The following SMPDL3B variants were observed in gnomAD, a reference collection of about 807,000 sequenced individuals.
SMPDL3B encodes the protein sphingomyelin phosphodiesterase acid like 3B.
Under a neutral mutation model 37.9 loss-of-function variants are expected in SMPDL3B, and 31 were observed. The observed-to-expected ratio is 0.82, with a 90% CI of 0.61 to 1.10. The LOEUF (loss-of-function observed/expected upper bound fraction) is 1.10, where lower values mean the gene tolerates loss of function less well. SMPDL3B is among the 50% of genes least tolerant of loss of function. The probability of loss-of-function intolerance (pLI) is 0.00; values close to 1 mark genes in which losing one functional copy is unlikely to be tolerated. For missense variants in SMPDL3B, 525 were observed against 597.8 expected, an observed-to-expected ratio of 0.88 and a Z score of 1.27; for synonymous variants, 235 against 242.6, an observed-to-expected ratio of 0.97 and a Z score of 0.29.
At chr1:27,950,909 C>T (rs976323082) in intron 3 of SMPDL3B, among the ~76,000 whole-genome samples, 3 of 152,186 alleles carry the variant, frequency 2.0e-5, no homozygotes, top group South Asian at 2.1e-4. Context: ...GGATTACAGG[C>T]GTGAGCCACT....
chr1:27,949,177 T>G lies in SMPDL3B; in HGVS notation c.373+15T>G, dbSNP rs2090435026. The G allele has an allele frequency of 6.8e-6, 11 of 1,613,758 alleles. No individual in the cohort carries two copies. Among genetic ancestry groups the G allele is most frequent in the Non-Finnish European group, 9.3e-6 (11 of 1,179,668 alleles). ...GGTCTTTCCAGGTAAGACTGTGCCA[T>G]CAGTCCCTCCACAGTGTTCTCGGAA... is the stretch of plus-strand genomic sequence containing the variant. On this transcript the variant is annotated intron_variant, in intron 3 of 7. Transcript: ENST00000373894.
chr1:27,942,506 T>G (rs572581182), intron 1 of SMPDL3B: 5 of 373,126 alleles, frequency 1.3e-5, no homozygotes, highest in South Asian at 8.2e-5. Flanking sequence ...TTTGAGACAG[T>G]CTTGCTGTGT....
chr1:27,935,341 G>T, intron 1 of SMPDL3B, 97 bp downstream of exon 1: 2 of 919,988 alleles, frequency 2.2e-6, no homozygotes, highest in Non-Finnish European at 3.5e-6. Flanking sequence ...TGCTTCTAAA[G>T]ATAGCAAGGC....
In SMPDL3B at chr1:27,949,278, T is replaced by C. The variant is rs956508647; in HGVS notation, c.373+116T>C. On this transcript the variant is annotated intron_variant, in intron 3 of 7. Transcript: ENST00000373894. ...GCTGACCTTCATCCATGGACAGCGA[T>C]GGCTGTTGGCCAGGTCTTCATGGTG... is the stretch of plus-strand genomic sequence containing the variant. The C allele has an allele frequency of 3.2e-5, 35 of 1,078,558 alleles. No homozygotes were observed. In the African/African-American group the frequency reaches 5.3e-4, roughly 16 times the overall value. 66.8% of individuals were successfully genotyped at this position (1,078,558 alleles called of 1,614,324 possible).
Position 27,945,245 on chromosome 1 carries a change from C to T in SMPDL3B, c.75C>T (p.His25=), listed in dbSNP as rs2090396308. 1 of 1,614,044 alleles carries T rather than the reference C, an allele frequency of 6.2e-7. No homozygotes were observed. Among genetic ancestry groups the T allele is most frequent in the African/African-American group, 1.3e-5 (1 of 74,934 alleles). The part of the protein sequence containing the change: ...GARAEPGKFW[H]IADLHLDPDY... ...TTTCCCCTGCAGGGAAGTTCTGGCA[C>T]ATCGCTGACCTGCACCTTGACCCTG... Residue 25 remains histidine, a synonymous_variant, in exon 2 of 8, where the codon CAC becomes CAT. Transcript: ENST00000373894. The surrounding 1 kb of genome is among the most constrained non-coding windows in gnomAD (Gnocchi z 4.0).
chr1:27,947,660 T>G (rs1264584773), intron 2 of SMPDL3B, among the ~76,000 whole-genome samples: 2 of 59,136 alleles, frequency 3.4e-5, no homozygotes, highest in African/African-American at 5.5e-5. Flanking sequence ...TTTGTTTTTT[T>G]TTTTTAAGAT....
At position 27,958,522 on chromosome 1, in the gene SMPDL3B, G is replaced by A; in HGVS notation, c.1052G>A (p.Gly351Glu). 1 of 1,613,538 alleles carries A rather than the reference G, an allele frequency of 6.2e-7. No individual in the cohort carries two copies. The highest frequency in any genetic ancestry group is 8.5e-7 in the Non-Finnish European group (1 of 1,179,650). Residue 351 changes from glycine (G) to glutamate (E), a missense_variant, in exon 8 of 8, where the codon GGG (glycine) becomes GAG (glutamate). Physicochemically the swap from Gly to Glu is moderately conservative, Grantham distance 98 (BLOSUM62 -2). Transcript: ENST00000373894. This position sits in a 1 kb window ranked among gnomAD's most constrained non-coding sequence, Gnocchi z 5.6. ...FMNLSQANAQ[G>E]TPRWELEYQL... ...AACCTGAGCCAGGCGAATGCTCAGG[G>A]GACGCCGCGCTGGGAGCTCGAGTAC...
intron 2 of SMPDL3B, among the ~76,000 whole-genome samples, chr1:27,947,961 G>C (rs970838548): frequency 3.9e-5 from 6 of 152,082 alleles, no homozygotes; most frequent in African/African-American, 1.2e-4. Flanking sequence ...GTGTCTTTGG[G>C]TTTCCGGCCT....
chr1:27,952,749 T>C (rs904776225), intron 3 of SMPDL3B, among the ~76,000 whole-genome samples: 23 of 152,236 alleles, frequency 1.5e-4, no homozygotes, highest in Non-Finnish European at 2.9e-5. Context: ...GGTTTCCAGT[T>C]CTATGCATTG....
Position 27,955,673 on chromosome 1 carries a change from C to T in SMPDL3B, c.691-11C>T, listed in dbSNP as rs201578944. 1,036 of 1,606,936 alleles carry T rather than the reference C, an allele frequency of 6.4e-4. 1 individual carries two copies. The highest frequency in any genetic ancestry group is 8.7e-4 in the Non-Finnish European group (1,018 of 1,174,722). On this transcript the variant is annotated splice_polypyrimidine_tract_variant and intron_variant, in intron 5 of 7. Transcript: ENST00000373894. ...ATCTGTGAGCCTCTTCTGGGAACCC[C>T]TCCCTTGTAGGTGTACATTGTCGGC...
Position 27,958,739 on chromosome 1 carries a change from C to G in SMPDL3B, c.1269C>G (p.Asp423Glu), listed in dbSNP as rs779242706. ...HVCAMRQVDI[D>E]AYTTCLYASG... Reference sequence around the variant, plus strand: ...GTGCCATGCGCCAGGTGGACATTGACGCTTACACCACCTGTCTGTATGCCT... The same window carrying G: ...GTGCCATGCGCCAGGTGGACATTGAGGCTTACACCACCTGTCTGTATGCCT... The change falls in exon 8 of 8, where the codon GAC becomes GAG. Residue 423 changes from aspartate (D) to glutamate (E), a missense_variant. Asp to Glu is a conservative substitution (Grantham distance 45, BLOSUM62 2). Transcript: ENST00000373894. This position sits in a 1 kb window ranked among gnomAD's most constrained non-coding sequence, Gnocchi z 5.6. The G allele has an allele frequency of 1.2e-6, 2 of 1,613,682 alleles. No homozygotes were observed. The highest frequency in any genetic ancestry group is 1.1e-5 in the South Asian group (1 of 91,088).
At position 27,935,071 on chromosome 1, in the gene SMPDL3B, G is replaced by A. The variant is rs1315480270; in HGVS notation, c.-113G>A. The stretch of plus-strand genomic sequence containing the variant: ...TGGAGGACTTGGAACACCTGTAACA[G>A]GACAAGGAGTTCTGCTCAGGCACGT... On this transcript the variant is annotated 5_prime_UTR_variant, in exon 1 of 8. Coordinates refer to ENST00000373894, the MANE Select transcript of SMPDL3B (RefSeq NM_014474.4). 1 of 757,560 alleles carries A rather than the reference G, an allele frequency of 1.3e-6. No homozygotes were observed. Among genetic ancestry groups the A allele is most frequent in the Non-Finnish European group, 2.3e-6 (1 of 441,448 alleles). 46.9% of individuals were successfully genotyped at this position (757,560 alleles called of 1,614,324 possible).
chr1:27,955,902 C>G, intron 6 of SMPDL3B, 38 bp downstream of exon 6: 1 of 1,611,784 alleles, frequency 6.2e-7, no homozygotes, highest in South Asian at 1.1e-5. Context: ...CTCCCTCCCT[C>G]CTTCTCTCCC....
At chr1:27,956,178 C>T (rs750451141) in intron 7 of SMPDL3B, 96 bp downstream of exon 7, 1 of 1,610,668 alleles carries the variant, frequency 6.2e-7, no homozygotes, top group Non-Finnish European at 8.5e-7. Flanking sequence ...TTCCCCTGAC[C>T]ACTGAGCCTC....
Position 27,958,829 on chromosome 1 carries a change from C to T in SMPDL3B, c.1359C>T (p.Leu453=), listed in dbSNP as rs757556750. The change falls in exon 8 of 8, where the codon CTC becomes CTT. Residue 453 remains leucine, a synonymous_variant. Transcript: ENST00000373894. The surrounding 1 kb of genome is among the most constrained non-coding windows in gnomAD (Gnocchi z 5.6). ...LLMALLGLCT[L]VL ...TGGCCCTGCTGGGCCTGTGCACGCT[C>T]GTGCTGTGACCTGCCAGGCTCACCT... 7 of 1,585,710 alleles carry T rather than the reference C, an allele frequency of 4.4e-6. No homozygotes were observed. Among genetic ancestry groups the T allele is most frequent in the East Asian group, 2.3e-5 (1 of 44,070 alleles).
At position 27,950,232 on chromosome 1, in the gene SMPDL3B, G is replaced by C. The variant is rs78587892; in HGVS notation, c.373+1070G>C. ...ATCTAACCCAGCCAACCCAAGTCAG[G>C]CTGCTTGGTTTCCTTTGTCTTCCAG... On this transcript the variant is annotated intron_variant, in intron 3 of 7. Coordinates refer to ENST00000373894, the MANE Select transcript of SMPDL3B (RefSeq NM_014474.4). Among the ~76,000 whole-genome samples, 529 of 152,262 alleles carry C rather than the reference G, an allele frequency of 3.5e-3. 2 individuals are homozygous for C. Among genetic ancestry groups the C allele is most frequent in the African/African-American group, 0.012 (488 of 41,558 alleles).
intron 1 of SMPDL3B, among the ~76,000 whole-genome samples, chr1:27,943,690 TA>T (rs2090378956): frequency 6.6e-6 from 1 of 152,136 alleles, no homozygotes; most frequent in Non-Finnish European, 1.5e-5. Flanking sequence ...CCTCCTTCAG[TA>T]AGCAGTCATT....
Position 27,955,760 on chromosome 1 carries a change from A to G in SMPDL3B, c.767A>G (p.Asn256Ser), listed in dbSNP as rs142372735. The G allele has an allele frequency of 9.2e-5, 148 of 1,614,038 alleles. 1 individual carries two copies. The highest frequency in any genetic ancestry group is 3.3e-4 in the East Asian group (15 of 44,880). The change falls in exon 6 of 8, where the codon AAT becomes AGT. Residue 256 changes from asparagine to serine, a missense_variant. Physicochemically the swap from Asn to Ser is conservative, Grantham distance 46 (BLOSUM62 1). Transcript: ENST00000373894. The part of the protein sequence containing the change: ...QNKAWFREGF[N>S]EKYLKVVRKH... Reference sequence around the variant, plus strand: ...AAGGCATGGTTCCGGGAGGGCTTCAATGAAAAATACCTGAAGGTGGTCCGG... The same window carrying G: ...AAGGCATGGTTCCGGGAGGGCTTCAGTGAAAAATACCTGAAGGTGGTCCGG...
At chr1:27,942,343 C>T in intron 1 of SMPDL3B, 1 of 471,210 alleles carries the variant, frequency 2.1e-6, no homozygotes, top group Non-Finnish European at 4.4e-6. Context: ...CCTGGCCAGC[C>T]TGGCTCCGGG....
Sources: gnomAD v4.1 joint callset for allele counts (sites outside exome capture counted in the v4.1 genomes callset) on GRCh38, gnomAD v4.1.1 for gene constraint, Gnocchi (gnomAD v3.1) non-coding constraint, MANE v1.5 for transcripts, NCBI Gene and HGNC (gene_info 2026-07-23, HGNC 2026-07-21) for gene names.